Variants in LRIG1 observed in about 807,000 individuals in gnomAD.
The protein encoded by LRIG1 is leucine-rich repeats and immunoglobulin-like domains protein 1.
A neutral mutation model predicts 99.2 loss-of-function variants in LRIG1; 48 were observed. That is an observed-to-expected ratio of 0.48 (90% CI 0.38 to 0.62). The LOEUF is 0.62. Ranked by LOEUF, LRIG1 falls within the 20% of genes least tolerant of loss-of-function variation. The pLI, the probability that LRIG1 is intolerant of heterozygous loss-of-function variation, is 0.00. For synonymous variants in LRIG1, 772 were observed against 596.1 expected (o/e 1.29, Z -4.30); for missense variants, 1,646 against 1,434.4 (o/e 1.15, Z -2.38).
chr3:66,448,593 G>GTT (rs1168402599), intron 3 of LRIG1, among the ~76,000 whole-genome samples: 1 of 152,108 alleles, frequency 6.6e-6, no homozygotes, highest in African/African-American at 2.4e-5. Flanking sequence ...AAAAAGTAAC[G>GTT]TATGTATCCC....
intron 3 of LRIG1, among the ~76,000 whole-genome samples, chr3:66,450,103 A>G (rs533481452): frequency 7.2e-5 from 11 of 152,340 alleles, no homozygotes; most frequent in African/African-American, 2.6e-4. Context: ...GCCAAAAATT[A>G]AACACCTTCC....
At chr3:66,457,660 A>G (rs1414503462) in intron 2 of LRIG1, among the ~76,000 whole-genome samples, 4 of 152,254 alleles carry the variant, frequency 2.6e-5, no homozygotes, top group Non-Finnish European at 5.9e-5. Context: ...GAAGAAAGAA[A>G]GCAAACGCTG....
intron 11 of LRIG1, among the ~76,000 whole-genome samples, chr3:66,396,549 G>A (rs139873332): frequency 1.2e-3 from 189 of 152,318 alleles, no homozygotes; most frequent in African/African-American, 4.1e-3. Context: ...GCACAGGGCC[G>A]GCTCCAGCGA....
intron 13 of LRIG1, among the ~76,000 whole-genome samples, chr3:66,385,226 A>T (rs1004054954): frequency 2.0e-5 from 3 of 152,070 alleles, no homozygotes; most frequent in Non-Finnish European, 4.4e-5. Flanking sequence ...AAAACCTGTC[A>T]ACTGCCAGGA....
chr3:66,393,479 C>G (rs1701705736), intron 12 of LRIG1, among the ~76,000 whole-genome samples: 1 of 152,192 alleles, frequency 6.6e-6, no homozygotes, highest in Admixed American at 6.5e-5. Context: ...AACTTGGATC[C>G]CGACTCCCAG....
intron 2 of LRIG1, 145 bp from the exon 3 acceptor site, chr3:66,451,778 G>A (rs1703911826): frequency 3.2e-6 from 2 of 631,702 alleles, no homozygotes; most frequent in Admixed American, 3.3e-5. Flanking sequence ...GAATTTAGCA[G>A]TGAGTTTTTA....
At chr3:66,498,071 A>G (rs768195334) in intron 1 of LRIG1, 1 of 152,242 alleles carries the variant, frequency 6.6e-6, no homozygotes, top group Non-Finnish European at 1.5e-5. Flanking sequence ...GTCCTTAATC[A>G]GAAATAAGAA....
intron 9 of LRIG1, chr3:66,404,424 T>C (rs1575664376): frequency 2.5e-6 from 3 of 1,200,266 alleles, no homozygotes; most frequent in Non-Finnish European, 3.2e-6. Context: ...TCTCGTCCCC[T>C]TCCTGCACGG....
At position 66,445,522 on chromosome 3, in the gene LRIG1, C is replaced by T. The variant is rs897052160; in HGVS notation, c.365+6037G>A. On this transcript the variant is annotated intron_variant, in intron 3 of 18. Transcript: ENST00000273261. ...CCCTTGGTCTTGGGGAGAATCTCTA[C>T]GCCCACCTCGACTGTACACACACCT... Among the ~76,000 whole-genome samples, 4 of 152,110 alleles carry T rather than the reference C, an allele frequency of 2.6e-5. No homozygotes were observed. In the East Asian group the frequency reaches 5.8e-4, roughly 22 times the overall value.
chr3:66,481,466 A>G (rs1700849856), intron 1 of LRIG1, among the ~76,000 whole-genome samples: 1 of 152,026 alleles, frequency 6.6e-6, no homozygotes, highest in Admixed American at 6.6e-5. Context: ...GGGTGGGGGG[A>G]ACCACCTCGA....
chr3:66,404,095 A>G, intron 9 of LRIG1: 1 of 426,958 alleles, frequency 2.3e-6, no homozygotes, highest in South Asian at 1.8e-5. Context: ...CTGCTGGAGT[A>G]CAGGACGCTC....
intron 8 of LRIG1, chr3:66,406,194 C>A (rs1702263574): frequency 1.0e-6 from 1 of 985,358 alleles, no homozygotes; most frequent in African/African-American, 1.7e-5. Context: ...TTTCTTGTCA[C>A]AGCAGGAAGG....
rs111323411 is a variant in LRIG1, at chr3:66,478,032, G to A, written c.219-15523C>T. Among the ~76,000 whole-genome samples the A allele has an allele frequency of 8.7e-4, 133 of 152,250 alleles. 1 individual carries two copies. Among genetic ancestry groups the A allele is most frequent in the African/African-American group, 2.9e-3 (121 of 41,544 alleles). On this transcript the variant is annotated intron_variant, in intron 1 of 18. Coordinates refer to ENST00000273261, the MANE Select transcript of LRIG1 (RefSeq NM_015541.3). ...GTGGGCCTGCAATGGCTTCAAGGCC[G>A]CATCAACATCTACATAAGTCTTATG...
rs370149176 is a variant in LRIG1 at position 66,495,380 on chromosome 3, C to G, written c.218+4810G>C. The stretch of plus-strand genomic sequence containing the variant: ...TTAACACGGCCCAGAGTTCTGTTCG[C>G]TTTTAAAAGACCCCCAGGGTTTCAA... On this transcript the variant is annotated intron_variant, in intron 1 of 18. Transcript: ENST00000273261. Among the ~76,000 whole-genome samples, 11 of 152,270 alleles carry G rather than the reference C, an allele frequency of 7.2e-5. No homozygotes were observed. The East Asian group carries it at 1.2e-3, about 16-fold the overall frequency.
chr3:66,419,656 T>A (rs1022582866), intron 3 of LRIG1, among the ~76,000 whole-genome samples: 8 of 151,956 alleles, frequency 5.3e-5, no homozygotes, highest in African/African-American at 7.3e-5. Flanking sequence ...AGCTAACAAG[T>A]TGGGAATGGA....
At chr3:66,430,969 C>T (rs1452902744) in intron 3 of LRIG1, among the ~76,000 whole-genome samples, 1 of 152,020 alleles carries the variant, frequency 6.6e-6, no homozygotes, top group East Asian at 1.9e-4. Context: ...ACCCCACACC[C>T]CAGCACACTG....
At chr3:66,422,718 T>C (rs9845632) in intron 3 of LRIG1, among the ~76,000 whole-genome samples, 2 of 152,152 alleles carry the variant, frequency 1.3e-5, no homozygotes, top group Non-Finnish European at 2.9e-5. Context: ...TTTTCAGGTA[T>C]GTTTTCAGCA....
At chr3:66,478,318 G>C (rs1368537723) in intron 1 of LRIG1, among the ~76,000 whole-genome samples, 2 of 152,226 alleles carry the variant, frequency 1.3e-5, no homozygotes, top group African/African-American at 2.4e-5. Context: ...CTTAAGGGCA[G>C]ATGTGTAGGA....
At chr3:66,451,973 C>T (rs563511924) in intron 2 of LRIG1, among the ~76,000 whole-genome samples, 2 of 152,284 alleles carry the variant, frequency 1.3e-5, no homozygotes, top group South Asian at 2.1e-4. Context: ...CTAAGACCAT[C>T]GGTGAGAACA....
Sources: gnomAD v4.1 joint callset for allele counts (sites outside exome capture counted in the v4.1 genomes callset) on GRCh38, gnomAD v4.1.1 for gene constraint, MANE v1.5 for transcripts, NCBI Gene and HGNC (gene_info 2026-07-23, HGNC 2026-07-21) for gene names.